HYCC2: variants seen among roughly 807,000 people sequenced by gnomAD.
HYCC2 encodes the protein hyccin 2.
chr2:201,036,311 G>C, the HYCC2 span, among the ~76,000 whole-genome samples: 1 of 152,092 alleles, frequency 6.6e-6, no homozygotes, highest in Non-Finnish European at 1.5e-5. Flanking sequence ...TTCTACCAGA[G>C]GTATAAGGAG....
chr2:201,049,398 G>A, the HYCC2 span, among the ~76,000 whole-genome samples: 1 of 151,856 alleles, frequency 6.6e-6, no homozygotes, highest in African/African-American at 2.4e-5. Flanking sequence ...CGCCCAGGCT[G>A]GAGTGCACTG....
the HYCC2 span, among the ~76,000 whole-genome samples, chr2:201,044,770 G>A: frequency 1.3e-5 from 2 of 151,976 alleles, no homozygotes; most frequent in South Asian, 4.2e-4. Flanking sequence ...AATTTAGGAG[G>A]CATTTTTTTC....
the HYCC2 span, among the ~76,000 whole-genome samples, chr2:201,058,355 GTA>G: frequency 6.6e-6 from 1 of 152,186 alleles, no homozygotes; most frequent in Non-Finnish European, 1.5e-5. Context: ...TAGATTGTGA[GTA>G]TAGGCAAAAC....
At chr2:201,021,596 T>C in the HYCC2 span, 1 of 160,962 alleles carries the variant, frequency 6.2e-6, no homozygotes, top group Admixed American at 6.2e-5. Context: ...ATCAATACTA[T>C]TCTATGTTCA....
At chr2:201,000,555 T>C in the HYCC2 span, among the ~76,000 whole-genome samples, 1 of 151,836 alleles carries the variant, frequency 6.6e-6, no homozygotes, top group Non-Finnish European at 1.5e-5. Flanking sequence ...ATGGCTACAA[T>C]AAAAAAGATG....
At chr2:201,005,413 T>C in the HYCC2 span, among the ~76,000 whole-genome samples, 1 of 151,576 alleles carries the variant, frequency 6.6e-6, no homozygotes, top group Non-Finnish European at 1.5e-5. Flanking sequence ...CACCTCAACA[T>C]TTTTTTTTCC....
At chr2:200,974,951 A>C in the HYCC2 span, 1 of 151,944 alleles carries the variant, frequency 6.6e-6, no homozygotes, top group African/African-American at 2.4e-5. Context: ...CCTTTAAAAT[A>C]GGTACATTTC....
chr2:200,993,140 T>C, the HYCC2 span: 1 of 615,206 alleles, frequency 1.6e-6, no homozygotes, highest in African/African-American at 1.9e-5. Flanking sequence ...GTCATCGTTC[T>C]GGGCCTAGGC....
the HYCC2 span, among the ~76,000 whole-genome samples, chr2:201,053,780 T>C: frequency 1.3e-5 from 2 of 151,014 alleles, no homozygotes; most frequent in Admixed American, 6.6e-5. Context: ...CTGGCTAACA[T>C]GGTGAAACCC....
the HYCC2 span, among the ~76,000 whole-genome samples, chr2:200,983,437 C>T: frequency 2.6e-5 from 4 of 152,136 alleles, no homozygotes; most frequent in Non-Finnish European, 5.9e-5. Context: ...TATATTTACT[C>T]ATATGGATTA....
At chr2:200,993,944 T>C in the HYCC2 span, among the ~76,000 whole-genome samples, 2 of 152,004 alleles carry the variant, frequency 1.3e-5, no homozygotes, top group Non-Finnish European at 2.9e-5. Context: ...CACTCCAGCC[T>C]GGGTGACAGA....
the HYCC2 span, chr2:201,021,833 G>A: frequency 3.2e-4 from 112 of 350,884 alleles, 1 homozygote; most frequent in African/African-American, 2.1e-3. Context: ...ATGCATATAC[G>A]TACATTATGC....
chr2:201,009,462 T>A, the HYCC2 span: 1 of 158,980 alleles, frequency 6.3e-6, no homozygotes, highest in Non-Finnish European at 1.4e-5. Flanking sequence ...TAATCAAATA[T>A]CTCTCTTTTT....
At chr2:201,038,012 C>T in the HYCC2 span, among the ~76,000 whole-genome samples, 206 of 152,202 alleles carry the variant, frequency 1.4e-3, 1 homozygote, top group Non-Finnish European at 1.6e-3. Context: ...GGGCTAATAT[C>T]CAGAATCTAC....
the HYCC2 span, chr2:200,976,910 T>C: frequency 6.6e-6 from 1 of 152,220 alleles, no homozygotes; most frequent in Non-Finnish European, 1.5e-5. Flanking sequence ...TGCAATATAA[T>C]TAGCTTGCCA....
the HYCC2 span, among the ~76,000 whole-genome samples, chr2:201,028,928 C>G: frequency 1.9e-4 from 28 of 150,496 alleles, no homozygotes; most frequent in East Asian, 5.5e-3. Flanking sequence ...ACTAAAACAC[C>G]AGGCAACATA....
chr2:201,033,989 A>G, the HYCC2 span, among the ~76,000 whole-genome samples: 1 of 152,106 alleles, frequency 6.6e-6, no homozygotes, highest in South Asian at 2.1e-4. Flanking sequence ...AAAAAAAAAA[A>G]AAGTACCATC....
At chr2:201,011,270 C>A in the HYCC2 span, 18 of 529,292 alleles carry the variant, frequency 3.4e-5, no homozygotes, top group Non-Finnish European at 5.8e-5. Flanking sequence ...TAACAAACAT[C>A]CACTTTTAAG....
chr2:201,020,843 C>A, the HYCC2 span, among the ~76,000 whole-genome samples: 1 of 152,342 alleles, frequency 6.6e-6, no homozygotes, highest in Middle Eastern at 3.4e-3. Flanking sequence ...TCTCGGCTCA[C>A]TGCAACCTCC....
Sources: allele counts gnomAD v4.1 joint callset (sites outside exome capture counted in the v4.1 genomes callset), GRCh38; gene constraint gnomAD v4.1.1; transcripts MANE v1.5; gene names NCBI Gene and HGNC (gene_info 2026-07-23, HGNC 2026-07-21).